The following DAB1 variants were observed in gnomAD, a reference collection of about 807,000 sequenced individuals.
DAB1 encodes DAB adaptor protein 1.
In DAB1, 15 loss-of-function variants were observed where a neutral mutation model predicts 64.6. The observed-to-expected ratio is 0.23, with a 90% confidence interval of 0.16 to 0.36. The LOEUF (loss-of-function observed/expected upper bound fraction) is 0.36, where lower values mean the gene tolerates loss of function less well. Ranked by LOEUF, DAB1 falls within the 10% of genes least tolerant of loss-of-function variation. The pLI is 1.00. For missense variants in DAB1, 596 were observed against 706.7 expected (o/e 0.84, Z 1.78); for synonymous variants, 235 against 251.9 (o/e 0.93, Z 0.64).
chr1:58,063,822 G>A (rs1648665670), intron 5 of DAB1, among the ~76,000 whole-genome samples: 1 of 152,186 alleles, frequency 6.6e-6, no homozygotes, highest in African/African-American at 2.4e-5. Flanking sequence ...CATTTCTACA[G>A]CTGCTAAGTG....
chr1:57,542,897 G>A (rs574140065), intron 7 of DAB1, among the ~76,000 whole-genome samples: 34 of 152,156 alleles, frequency 2.2e-4, no homozygotes, highest in Non-Finnish European at 1.8e-4. Context: ...TTCCATGTCT[G>A]TCTGTGTCTC....
At chr1:57,201,305 G>T (rs1411366456) in intron 2 of DAB1, among the ~76,000 whole-genome samples, 1 of 151,750 alleles carries the variant, frequency 6.6e-6, no homozygotes, top group Non-Finnish European at 1.5e-5. Context: ...AAACTTAAGT[G>T]TGTCTACAGC....
chr1:58,145,828 G>C (rs1654558871), intron 5 of DAB1, among the ~76,000 whole-genome samples: 1 of 152,180 alleles, frequency 6.6e-6, no homozygotes, highest in Non-Finnish European at 1.5e-5. Context: ...TCTGACTGCT[G>C]CTCCCAGTCT....
intron 6 of DAB1, among the ~76,000 whole-genome samples, chr1:57,753,863 C>CT (rs1648668806): frequency 6.6e-6 from 1 of 152,304 alleles, no homozygotes; most frequent in South Asian, 2.1e-4. Context: ...AGAAGTGCAA[C>CT]TTTTTTTACT....
rs1190281576 is a variant in DAB1 at position 57,071,010 on chromosome 1, T to C, written c.597+13A>G. 6.2e-7 allele frequency: 1 copy of C among 1,610,498 alleles called. No homozygotes were observed. Among genetic ancestry groups the C allele is most frequent in the Non-Finnish European group, 8.5e-7 (1 of 1,176,740 alleles). ...CTCTTGAATCTAAAACCCCGACTAGTTTCAGAAATTACCTGGTACACAGGA... is the reference window on the plus strand; with the variant it reads ...CTCTTGAATCTAAAACCCCGACTAGCTTCAGAAATTACCTGGTACACAGGA... On this transcript the variant is annotated intron_variant, in intron 7 of 14. Transcript: ENST00000371236.
intron 2 of DAB1, among the ~76,000 whole-genome samples, chr1:57,173,614 A>G (rs186022293): frequency 1.4e-4 from 22 of 152,354 alleles, no homozygotes; most frequent in Admixed American, 7.2e-4. Context: ...TTCTACAGCT[A>G]GCACTAGAGA....
chr1:57,260,794 C>G (rs1054560021), intron 2 of DAB1, among the ~76,000 whole-genome samples: 4 of 152,164 alleles, frequency 2.6e-5, no homozygotes, highest in Non-Finnish European at 4.4e-5. Flanking sequence ...TCACTGCATG[C>G]AAGCAGGGCC....
upstream of DAB1, among the ~76,000 whole-genome samples, chr1:57,884,503 A>G (rs1644193640): frequency 6.6e-6 from 1 of 152,258 alleles, no homozygotes. Context: ...TACAAATTGT[A>G]TATTTTTCAC....
intron 2 of DAB1, among the ~76,000 whole-genome samples, chr1:57,237,338 A>G (rs1168330750): frequency 6.6e-6 from 1 of 152,214 alleles, no homozygotes; most frequent in Non-Finnish European, 1.5e-5. Context: ...CTTTACAATT[A>G]AACACAAACC....
intron 5 of DAB1, among the ~76,000 whole-genome samples, chr1:57,936,226 T>C (rs934941129): frequency 3.9e-5 from 6 of 152,230 alleles, no homozygotes; most frequent in Admixed American, 3.3e-4. Flanking sequence ...ATTTTCCTTC[T>C]GTGATCCTCG....
intron 7 of DAB1, among the ~76,000 whole-genome samples, chr1:57,582,845 A>G (rs1645329985): frequency 6.6e-6 from 1 of 152,234 alleles, no homozygotes; most frequent in Non-Finnish European, 1.5e-5. Flanking sequence ...GGCCAAAGCA[A>G]CCAGGATAGT....
intron 7 of DAB1, among the ~76,000 whole-genome samples, chr1:57,544,996 C>A (rs1421995895): frequency 2.6e-5 from 4 of 152,194 alleles, no homozygotes; most frequent in African/African-American, 9.6e-5. Flanking sequence ...CTCCTCAAAT[C>A]TCCCAAGGTA....
intron 2 of DAB1, among the ~76,000 whole-genome samples, chr1:57,233,601 A>G (rs1034844203): frequency 1.3e-5 from 2 of 151,650 alleles, no homozygotes; most frequent in African/African-American, 4.8e-5. Flanking sequence ...TCTACTAAAA[A>G]TACAAATATT....
intron 4 of DAB1, among the ~76,000 whole-genome samples, chr1:58,152,866 GT>G (rs2100736018): frequency 6.6e-6 from 1 of 152,254 alleles, no homozygotes; most frequent in African/African-American, 2.4e-5. Context: ...GATAGAAAGA[GT>G]TATGTACAGG....
At chr1:57,287,812 T>TTATTTATTTATC (rs1672446415) in intron 2 of DAB1, among the ~76,000 whole-genome samples, 1 of 151,654 alleles carries the variant, frequency 6.6e-6, no homozygotes, top group East Asian at 1.9e-4. Flanking sequence ...ATTTATTTAT[T>TTATTTATTTATC]TGAGACGGAG....
chr1:57,688,473 TA>T (rs766845018), intron 6 of DAB1, among the ~76,000 whole-genome samples: 6 of 152,220 alleles, frequency 3.9e-5, no homozygotes, highest in Admixed American at 6.5e-5. Context: ...GGTGGGAATG[TA>T]AATTAGTTCA....
chr1:58,001,763 T>A (rs1646510505), intron 5 of DAB1, among the ~76,000 whole-genome samples: 1 of 152,184 alleles, frequency 6.6e-6, no homozygotes, highest in African/African-American at 2.4e-5. Flanking sequence ...TGTCAGGTCT[T>A]CATCTCTAAA....
rs1685835196 is a variant in DAB1 at position 57,439,426 on chromosome 1, T to TTTTGTTTTTTTTTGTTTTTTTTTG, written n.626-148261_626-148260insCAAAAAAAAACAAAAAAAAACAAA. On this transcript the variant is annotated intron_variant and non_coding_transcript_variant, in intron 7 of 20. Transcript: ENST00000485760. ...ATCAACTTGGTGATGAGGTTTTTTC[T>TTTTGTTTTTTTTTGTTTTTTTTTG]TTTTTTTTTTTTTTTTTTTTTGAGA... Among the ~76,000 whole-genome samples the TTTTGTTTTTTTTTGTTTTTTTTTG allele has an allele frequency of 3.2e-5, 3 of 94,860 alleles. No individual in the cohort carries two copies. The South Asian group carries it at 1.2e-3, about 37-fold the overall frequency. 62.2% of individuals were successfully genotyped at this position (94,860 alleles called of 152,430 possible). A position where few individuals can be genotyped will look rare whatever the true frequency, so the allele number is the denominator to read the frequency against.
At chr1:58,050,847 T>C (rs952031147) in intron 5 of DAB1, among the ~76,000 whole-genome samples, 2 of 152,150 alleles carry the variant, frequency 1.3e-5, no homozygotes, top group African/African-American at 2.4e-5. Flanking sequence ...TTTATTTTTA[T>C]GAGTTGGACA....
Sources: gnomAD v4.1 joint callset for allele counts (sites outside exome capture counted in the v4.1 genomes callset) on GRCh38, gnomAD v4.1.1 for gene constraint, MANE v1.5 for transcripts, NCBI Gene and HGNC (gene_info 2026-07-23, HGNC 2026-07-21) for gene names.